The following EIF2AK4 variants were observed in gnomAD, a reference collection of about 807,000 sequenced individuals.
EIF2AK4 encodes eIF-2-alpha kinase GCN2.
Under a neutral mutation model 211.1 loss-of-function variants are expected in EIF2AK4, and 139 were observed. The ratio of observed to expected loss-of-function variants is 0.66; its 90% confidence interval spans 0.57 to 0.76. The LOEUF is 0.76. Among genes scored for constraint, EIF2AK4 ranks in the 30% least tolerant of loss-of-function variants. The probability of loss-of-function intolerance (pLI) is 0.00; values close to 1 mark genes in which losing one functional copy is unlikely to be tolerated. For synonymous variants in EIF2AK4, 710 were observed against 751.3 expected (o/e 0.94, Z 0.90); for missense variants, 1,664 against 2,043.8 (o/e 0.81, Z 3.58).
intron 19 of EIF2AK4, 39 bp from the exon 20 acceptor site, chr15:39,998,692 G>T: frequency 6.5e-7 from 1 of 1,548,164 alleles, no homozygotes; most frequent in Non-Finnish European, 8.9e-7. Context: ...CACTGTGGCA[G>T]TCTGCCAAAA....
intron 35 of EIF2AK4, among the ~76,000 whole-genome samples, 192 bp from the exon 36 acceptor site, chr15:40,031,977 T>C (rs2035550282): frequency 1.3e-5 from 2 of 152,204 alleles, no homozygotes; most frequent in East Asian, 1.9e-4. Context: ...CCCCCAGCCT[T>C]GGCCTCCCAA....
At chr15:40,000,628 A>G (rs2035076780) in intron 20 of EIF2AK4, among the ~76,000 whole-genome samples, 1 of 152,198 alleles carries the variant, frequency 6.6e-6, no homozygotes, top group Admixed American at 6.5e-5. Context: ...TTCTACTAAA[A>G]TTAGGCATGT....
In EIF2AK4 at chr15:40,035,008, CTT is replaced by C. The variant is rs762873699; in HGVS notation, c.4893-16_4893-15del. 5.2e-6 allele frequency: 8 copies of C among 1,547,214 alleles called. No individual in the cohort carries two copies. The highest frequency in any genetic ancestry group is 4.7e-5 in the South Asian group (4 of 84,964). The stretch of plus-strand genomic sequence containing the variant: ...CATTAAACTGAGTCTGTCCTTATAT[CTT>C]TTCTTTTCTTTTGCAGGGTGTCTGT... On this transcript the variant is annotated splice_polypyrimidine_tract_variant and intron_variant, in intron 38 of 38. Transcript: ENST00000263791.
chr15:40,032,410 GTTTT>G (rs2035555893), intron 36 of EIF2AK4, among the ~76,000 whole-genome samples, 173 bp downstream of exon 36: 1 of 152,156 alleles, frequency 6.6e-6, no homozygotes, highest in Non-Finnish European at 1.5e-5. Context: ...AGAATTTAAG[GTTTT>G]TTGTTTCTCC....
At chr15:39,974,483 T>A (rs1299428252) in intron 11 of EIF2AK4, 1 of 152,198 alleles carries the variant, frequency 6.6e-6, no homozygotes, top group East Asian at 1.9e-4. Flanking sequence ...GAAGCATTAC[T>A]GTTACTGTAG....
In EIF2AK4 at chr15:39,953,949, AAAG is replaced by A; in HGVS notation, c.564_566del (p.Glu189del). On this transcript the variant is annotated inframe_deletion, in exon 5 of 39. Transcript: ENST00000263791. ...GATTCAGAGAAGGAAAGAAGAGATAAAAGAAGAGAAAAAAAGGAAAGAAATGGC... is the reference window on the plus strand; with the variant it reads ...GATTCAGAGAAGGAAAGAAGAGATAAAAGAGAAAAAAAGGAAAGAAATGGC... 6.2e-7 allele frequency: 1 copy of A among 1,607,956 alleles called. No homozygotes were observed. Among genetic ancestry groups the A allele is most frequent in the Non-Finnish European group, 8.5e-7 (1 of 1,178,368 alleles).
chr15:39,936,783 T>A (rs1343584404), intron 1 of EIF2AK4, among the ~76,000 whole-genome samples: 3 of 152,170 alleles, frequency 2.0e-5, no homozygotes, highest in Admixed American at 2.0e-4. Context: ...TGTGTGCACA[T>A]TCCACACATT....
chr15:39,973,464 C>A, intron 10 of EIF2AK4, 128 bp from the exon 11 acceptor site: 1 of 968,934 alleles, frequency 1.0e-6, no homozygotes, highest in Non-Finnish European at 1.5e-6. Context: ...AAAGGCCACT[C>A]AGGTAAGAGG....
At chr15:39,998,702 A>G (rs1184142857) in intron 19 of EIF2AK4, 29 bp from the exon 20 acceptor site, 1 of 1,597,218 alleles carries the variant, frequency 6.3e-7, no homozygotes, top group Non-Finnish European at 8.6e-7. Flanking sequence ...GTCTGCCAAA[A>G]CCTTGCTGAT....
Position 40,008,132 on chromosome 15 carries a change from T to C in EIF2AK4, c.3513T>C (p.Phe1171=). 3 of 1,613,134 alleles carry C rather than the reference T, an allele frequency of 1.9e-6. No individual in the cohort carries two copies. Among genetic ancestry groups the C allele is most frequent in the South Asian group, 1.1e-5 (1 of 90,714 alleles). Residue 1171 remains phenylalanine (F), a synonymous_variant, in exon 25 of 39, where the codon TTT becomes TTC. Coordinates refer to ENST00000263791, the MANE Select transcript of EIF2AK4 (RefSeq NM_001013703.4). ...TTGTCACTTCTACCACCAACAGCTT[T>C]CTGCCCACTGCTGAAATTATCTACA... is the stretch of plus-strand genomic sequence containing the variant. The part of the protein sequence containing the change: ...FDIVTSTTNS[F]LPTAEIIYTI...
At chr15:39,993,832 G>T (rs567829319) in intron 18 of EIF2AK4, among the ~76,000 whole-genome samples, 1 of 152,264 alleles carries the variant, frequency 6.6e-6, no homozygotes, top group African/African-American at 2.4e-5. Context: ...CTGGTAAGGC[G>T]GTTGGCAGCT....
At chr15:40,019,235 G>A in intron 30 of EIF2AK4, 35 bp downstream of exon 30, 1 of 1,462,292 alleles carries the variant, frequency 6.8e-7, no homozygotes, top group Non-Finnish European at 9.2e-7. Context: ...CATACTTCGA[G>A]GTGTCTTTCA....
At chr15:40,007,660 C>T (rs1177682174) in intron 24 of EIF2AK4, among the ~76,000 whole-genome samples, 10 of 152,216 alleles carry the variant, frequency 6.6e-5, no homozygotes, top group Admixed American at 6.5e-4. Flanking sequence ...CTTTCTTCAA[C>T]TGAAAGCAAA....
Position 39,934,294 on chromosome 15 carries a change from T to C in EIF2AK4, c.99T>C (p.Ile33=), listed in dbSNP as rs566792. 1,420,057 of 1,611,938 alleles carry C rather than the reference T, an allele frequency of 0.88. 627,108 individuals are homozygous for C. Among genetic ancestry groups the C allele is most frequent in the East Asian group, 1 (44,829 of 44,834 alleles). Residue 33 remains isoleucine, a synonymous_variant, in exon 1 of 39, where the codon ATT becomes ATC. Coordinates refer to ENST00000263791, the MANE Select transcript of EIF2AK4 (RefSeq NM_001013703.4). Reference sequence around the variant, plus strand: ...ACGAGCTACAGGCCCTGGAGGCCATTTACGGCGCGGACTTCCAAGACCTGC... The same window carrying C: ...ACGAGCTACAGGCCCTGGAGGCCATCTACGGCGCGGACTTCCAAGACCTGC... ...QDHELQALEA[I]YGADFQDLRP... is the part of the protein sequence containing the mutation.
At chr15:40,015,688 C>T (rs542788155) in intron 27 of EIF2AK4, among the ~76,000 whole-genome samples, 1 of 152,262 alleles carries the variant, frequency 6.6e-6, no homozygotes, top group South Asian at 2.1e-4. Flanking sequence ...TTATGATTAA[C>T]TCTAAGATTA....
At chr15:39,993,190 A>ATCCG (rs1361790101) in intron 18 of EIF2AK4, among the ~76,000 whole-genome samples, 2 of 149,258 alleles carry the variant, frequency 1.3e-5, no homozygotes, top group East Asian at 2.0e-4. Flanking sequence ...CCACTCGTCC[A>ATCCG]TCCGTCCGTC....
intron 27 of EIF2AK4, among the ~76,000 whole-genome samples, chr15:40,015,127 C>G (rs1015688107): frequency 6.6e-6 from 1 of 152,196 alleles, no homozygotes; most frequent in Non-Finnish European, 1.5e-5. Context: ...AAGTTCCAAA[C>G]TTTCCCCCAT....
intron 13 of EIF2AK4, among the ~76,000 whole-genome samples, chr15:39,978,997 G>A (rs2034741373): frequency 2.0e-5 from 3 of 152,156 alleles, no homozygotes; most frequent in African/African-American, 4.8e-5. Context: ...TACATGAAAC[G>A]TTTAACAAAC....
chr15:40,007,034 G>A lies in EIF2AK4; in HGVS notation c.3376G>A (p.Val1126Met), dbSNP rs756300037. 3.8e-6 allele frequency: 6 copies of A among 1,597,754 alleles called. No homozygotes were observed. In the South Asian group the frequency reaches 4.4e-5, roughly 12 times the overall value. Residue 1126 changes from valine to methionine, a missense_variant, in exon 24 of 39, where the codon GTG becomes ATG. By Grantham distance (21) the Val-to-Met change is conservative (BLOSUM62 1). Transcript: ENST00000263791. ...TTTTCAGATCCCTTTTGCAAGATAT[G>A]TGGCAAGAAATAATATATTGAATTT... ...FDLRIPFARY[V>M]ARNNILNLKR...
Sources: allele counts gnomAD v4.1 joint callset (sites outside exome capture counted in the v4.1 genomes callset), GRCh38; gene constraint gnomAD v4.1.1; transcripts MANE v1.5; gene names NCBI Gene and HGNC (gene_info 2026-07-23, HGNC 2026-07-21).